The following BABAM2 variants were observed in gnomAD, a reference collection of about 807,000 sequenced individuals.
BABAM2 encodes the protein BRISC and BRCA1 A complex member 2, also known as BRISC and BRCA1-A complex member 2.
A neutral mutation model predicts 54.7 loss-of-function variants in BABAM2; 31 were observed. That is an observed-to-expected ratio of 0.57 (90% CI 0.43 to 0.77). BABAM2 has a LOEUF of 0.77. Among genes scored for constraint, BABAM2 ranks in the 30% least tolerant of loss-of-function variants. The probability of loss-of-function intolerance (pLI) is 0.00; values close to 1 mark genes in which losing one functional copy is unlikely to be tolerated. For synonymous variants in BABAM2, 167 were observed against 162.9 expected (o/e 1.03, Z -0.19); for missense variants, 364 against 455.8 (o/e 0.80, Z 1.83).
intron 4 of BABAM2, among the ~76,000 whole-genome samples, chr2:28,016,787 T>A (rs1309516469): frequency 2.6e-5 from 4 of 152,252 alleles, no homozygotes; most frequent in African/African-American, 9.6e-5. Flanking sequence ...TGTGCTACAA[T>A]TTGTAGTGGT....
At chr2:28,249,281 G>C (rs1281496328) in intron 10 of BABAM2, among the ~76,000 whole-genome samples, 1 of 151,840 alleles carries the variant, frequency 6.6e-6, no homozygotes, top group East Asian at 1.9e-4. Context: ...TAGAGACCGG[G>C]TTTCACCACG....
chr2:27,973,098 G>A (rs1671344699), intron 3 of BABAM2, among the ~76,000 whole-genome samples: 1 of 151,858 alleles, frequency 6.6e-6, no homozygotes, highest in Non-Finnish European at 1.5e-5. Flanking sequence ...CCAGTTCTCG[G>A]TAAAAATGAG....
At chr2:28,007,651 C>A (rs1177516779) in intron 4 of BABAM2, among the ~76,000 whole-genome samples, 1 of 152,082 alleles carries the variant, frequency 6.6e-6, no homozygotes, top group Admixed American at 6.6e-5. Flanking sequence ...ATTTAATGTG[C>A]TATTTTGTAT....
intron 7 of BABAM2, among the ~76,000 whole-genome samples, chr2:28,217,617 G>A (rs1558444296): frequency 6.6e-6 from 1 of 152,210 alleles, no homozygotes; most frequent in Admixed American, 6.5e-5. Context: ...CAATTTCAGA[G>A]CAAGGGTGCT....
chr2:28,119,734 A>G lies in BABAM2; in HGVS notation c.571-9537A>G, dbSNP rs189834921. Among the ~76,000 whole-genome samples the G allele has an allele frequency of 1.4e-4, 22 of 152,338 alleles. No homozygotes were observed. The East Asian group carries it at 3.9e-3, about 27-fold the overall frequency. ...AAATAATAAGCAAGATAGAATTAAA[A>G]AAAAACTTACCCTATTCTGTATTGT... On this transcript the variant is annotated intron_variant, in intron 6 of 11. Coordinates refer to ENST00000379624, the MANE Select transcript of BABAM2 (RefSeq NM_199191.3).
At chr2:28,026,577 T>C (rs1675682289) in intron 5 of BABAM2, among the ~76,000 whole-genome samples, 1 of 150,412 alleles carries the variant, frequency 6.6e-6, no homozygotes, top group South Asian at 2.1e-4. Context: ...CACCGGTGCC[T>C]GTTGGTGGGG....
chr2:27,952,619 T>G (rs773798816), intron 3 of BABAM2, among the ~76,000 whole-genome samples: 8 of 152,196 alleles, frequency 5.3e-5, no homozygotes, highest in Non-Finnish European at 1.0e-4. Context: ...ATTGAACTGT[T>G]CTCATCTCTG....
intron 5 of BABAM2, among the ~76,000 whole-genome samples, chr2:28,033,076 G>A (rs1203493409): frequency 6.6e-6 from 1 of 152,048 alleles, no homozygotes; most frequent in African/African-American, 2.4e-5. Flanking sequence ...TTTGAGCAGA[G>A]CTATTTTTAA....
intron 6 of BABAM2, among the ~76,000 whole-genome samples, chr2:28,104,254 C>A (rs929114582): frequency 1.3e-5 from 2 of 152,142 alleles, no homozygotes; most frequent in African/African-American, 4.8e-5. Context: ...AGTGAACAGG[C>A]AACCTACAGA....
At chr2:28,138,424 G>A (rs1670732556) in intron 7 of BABAM2, among the ~76,000 whole-genome samples, 1 of 152,102 alleles carries the variant, frequency 6.6e-6, no homozygotes, top group Admixed American at 6.5e-5. Context: ...TCTAATGAGA[G>A]CCATAGACTT....
At chr2:28,176,488 T>C (rs1183666302) in intron 7 of BABAM2, among the ~76,000 whole-genome samples, 1 of 136,984 alleles carries the variant, frequency 7.3e-6, no homozygotes, top group Non-Finnish European at 1.5e-5. Context: ...AAGAATCACT[T>C]GAACCCAGGA....
chr2:28,227,250 G>C (rs748682461), intron 7 of BABAM2, among the ~76,000 whole-genome samples: 1 of 151,892 alleles, frequency 6.6e-6, no homozygotes, highest in African/African-American at 2.4e-5. Flanking sequence ...ATCGCATCAG[G>C]ATCTATCCCT....
chr2:27,901,443 G>T (rs962838898), intron 2 of BABAM2, among the ~76,000 whole-genome samples: 5 of 152,194 alleles, frequency 3.3e-5, no homozygotes, highest in African/African-American at 1.2e-4. Context: ...TGGGGCATCT[G>T]CTGTGACATC....
At chr2:28,016,218 TGGATGAGC>T in intron 4 of BABAM2, 1 of 969,968 alleles carries the variant, frequency 1.0e-6, no homozygotes, top group South Asian at 1.4e-5. Flanking sequence ...TGTCTTTTTT[TGGATGAGC>T]TCTCACTTGC....
At chr2:28,280,295 C>T (rs1387411544) in intron 10 of BABAM2, among the ~76,000 whole-genome samples, 1 of 150,874 alleles carries the variant, frequency 6.6e-6, no homozygotes, top group Non-Finnish European at 1.5e-5. Flanking sequence ...TCCCTGGGCT[C>T]AAGCAATCCT....
chr2:28,249,415 G>A (rs910897401), intron 10 of BABAM2, among the ~76,000 whole-genome samples: 17 of 152,012 alleles, frequency 1.1e-4, no homozygotes, highest in African/African-American at 4.1e-4. Flanking sequence ...TATTTTAAAA[G>A]GATTCTTAGA....
intron 11 of BABAM2, among the ~76,000 whole-genome samples, chr2:28,328,941 C>T (rs899396027): frequency 1.6e-4 from 25 of 152,148 alleles, no homozygotes; most frequent in African/African-American, 5.3e-4. Flanking sequence ...GTTTGTCAGA[C>T]GTCTATTTTA....
At position 27,978,966 on chromosome 2, in the gene BABAM2, T is replaced by C. The variant is rs560657916; in HGVS notation, c.206-9027T>C. 2.2e-4 allele frequency among the ~76,000 whole-genome samples: 34 copies of C among 152,306 alleles called. No individual in the cohort carries two copies. The South Asian group carries it at 6.8e-3, about 31-fold the overall frequency. ...TACATCCATATTGCTGCAAAGGACA[T>C]GATCTCATTCTTTTTTATGGCTGTG... On this transcript the variant is annotated intron_variant, in intron 3 of 11. Coordinates refer to ENST00000379624, the MANE Select transcript of BABAM2 (RefSeq NM_199191.3).
intron 8 of BABAM2, among the ~76,000 whole-genome samples, chr2:28,240,230 C>T (rs1411867538): frequency 6.6e-6 from 1 of 151,946 alleles, no homozygotes; most frequent in African/African-American, 2.4e-5. Context: ...AAGCATTCCT[C>T]CTGCCTCAGG....
Sources: gnomAD v4.1 joint callset for allele counts (sites outside exome capture counted in the v4.1 genomes callset) on GRCh38, gnomAD v4.1.1 for gene constraint, MANE v1.5 for transcripts, NCBI Gene and HGNC (gene_info 2026-07-23, HGNC 2026-07-21) for gene names.